The following CFAP58 variants were observed in gnomAD, a reference collection of about 807,000 sequenced individuals.
The protein encoded by CFAP58 is cilia and flagella associated protein 58.
In CFAP58, 88 loss-of-function variants were observed where a neutral mutation model predicts 119.5. The ratio of observed to expected loss-of-function variants is 0.74; its 90% CI spans 0.62 to 0.88. The LOEUF (loss-of-function observed/expected upper bound fraction) is 0.88, where lower values mean the gene tolerates loss of function less well. Among genes scored for constraint, CFAP58 ranks in the 40% least tolerant of loss-of-function variants. CFAP58 has a pLI of 0.00. For synonymous variants in CFAP58, 365 were observed against 366.3 expected (o/e 1.00, Z 0.04); for missense variants, 990 against 1,021.2 (o/e 0.97, Z 0.42).
chr10:104,430,343 A>T (rs1227213913), intron 15 of CFAP58, among the ~76,000 whole-genome samples: 1 of 152,184 alleles, frequency 6.6e-6, no homozygotes, highest in African/African-American at 2.4e-5. Flanking sequence ...CACTAAAATC[A>T]CACAGGCTGA....
In CFAP58 at chr10:104,357,855, A is replaced by ATACACATATATG. The variant is rs1564875614; in HGVS notation, c.10-475_10-474insGTACACATATAT. ...TATATGTACACATATGTACACATAT[A>ATACACATATATG]TACACATATATACACATATATGTAC... is the stretch of plus-strand genomic sequence containing the variant. On this transcript the variant is annotated intron_variant, in intron 1 of 17. Coordinates refer to ENST00000369704, the MANE Select transcript of CFAP58 (RefSeq NM_001008723.2). Among the ~76,000 whole-genome samples, 69 of 46,760 alleles carry ATACACATATATG rather than the reference A, an allele frequency of 1.5e-3. 2 individuals carry two copies. The highest frequency in any genetic ancestry group is 1.8e-3 in the Non-Finnish European group (37 of 20,748). The allele number at this position is 46,760 out of a possible 152,430, so 30.7% of individuals were successfully genotyped here. A position where few individuals can be genotyped will look rare whatever the true frequency, so the allele number is the denominator to read the frequency against.
intron 6 of CFAP58, among the ~76,000 whole-genome samples, chr10:104,369,150 G>A (rs978152100): frequency 4.6e-5 from 7 of 152,182 alleles, no homozygotes; most frequent in South Asian, 4.2e-4. Context: ...GCAGCTTTAC[G>A]TTTATCACTT....
intron 5 of CFAP58, 122 bp downstream of exon 5, chr10:104,366,130 A>G: frequency 2.2e-6 from 2 of 895,744 alleles, no homozygotes; most frequent in Non-Finnish European, 3.3e-6. Flanking sequence ...ACTCGTGCTG[A>G]TGATGTAAAA....
chr10:104,384,526 A>G (rs1477304463), intron 9 of CFAP58, among the ~76,000 whole-genome samples: 1 of 152,232 alleles, frequency 6.6e-6, no homozygotes, highest in African/African-American at 2.4e-5. Flanking sequence ...GGCTTCTAGA[A>G]GCCCCACGGT....
At chr10:104,439,912 C>T (rs985246001) in intron 15 of CFAP58, among the ~76,000 whole-genome samples, 14 of 152,176 alleles carry the variant, frequency 9.2e-5, no homozygotes, top group African/African-American at 2.9e-4. Flanking sequence ...CTCCGCCTTC[C>T]GGGTTCACGC....
chr10:104,420,184 G>A (rs1296076565), intron 15 of CFAP58, among the ~76,000 whole-genome samples: 2 of 150,484 alleles, frequency 1.3e-5, no homozygotes, highest in Non-Finnish European at 2.9e-5. Flanking sequence ...GTTTCTCAAC[G>A]TGTGTCCTTT....
intron 15 of CFAP58, among the ~76,000 whole-genome samples, chr10:104,440,308 GA>G (rs202058572): frequency 4.7e-5 from 7 of 150,306 alleles, no homozygotes; most frequent in African/African-American, 9.9e-5. Context: ...CCAAGAATAG[GA>G]AAAAAAAATT....
chr10:104,407,717 GA>G (rs764919494), intron 15 of CFAP58, among the ~76,000 whole-genome samples: 14 of 152,090 alleles, frequency 9.2e-5, no homozygotes, highest in Admixed American at 2.0e-4. Flanking sequence ...TTAATTTTTT[GA>G]GACAGTCTTG....
At chr10:104,362,810 C>G (rs2014689548) in intron 3 of CFAP58, among the ~76,000 whole-genome samples, 1 of 152,182 alleles carries the variant, frequency 6.6e-6, no homozygotes, top group African/African-American at 2.4e-5. Context: ...GCACCTATCC[C>G]CAGCATAAAC....
At chr10:104,344,453 TTA>T in the CFAP58 span, among the ~76,000 whole-genome samples, 3 of 152,230 alleles carry the variant, frequency 2.0e-5, no homozygotes, top group East Asian at 5.8e-4. Flanking sequence ...GGCCATTCAT[TTA>T]TGTGTGGTCT....
At chr10:104,450,886 A>G (rs2013185590) in intron 17 of CFAP58, among the ~76,000 whole-genome samples, 1 of 151,858 alleles carries the variant, frequency 6.6e-6, no homozygotes, top group South Asian at 2.1e-4. Context: ...ACCATCTTCT[A>G]TGTCTAGTGA....
At chr10:104,369,956 G>T (rs1330867) in intron 6 of CFAP58, among the ~76,000 whole-genome samples, 1 of 152,120 alleles carries the variant, frequency 6.6e-6, no homozygotes, top group Non-Finnish European at 1.5e-5. Flanking sequence ...TCTTTGCTAG[G>T]ATTATTTTTG....
At chr10:104,410,619 T>C (rs550179397) in intron 15 of CFAP58, among the ~76,000 whole-genome samples, 1 of 152,308 alleles carries the variant, frequency 6.6e-6, no homozygotes, top group East Asian at 1.9e-4. Context: ...CTGCTCCTTT[T>C]TAGGTGACCT....
chr10:104,377,691 C>T (rs758407148), intron 8 of CFAP58, among the ~76,000 whole-genome samples: 9 of 152,180 alleles, frequency 5.9e-5, no homozygotes, highest in Middle Eastern at 3.2e-3. Context: ...AAGGCAGAAA[C>T]GGTCTATATT....
the CFAP58 span, among the ~76,000 whole-genome samples, chr10:104,340,671 C>T: frequency 3.5e-4 from 53 of 152,226 alleles, no homozygotes; most frequent in African/African-American, 1.2e-3. Context: ...ATATCAACAA[C>T]GGAAGGGAAG....
intron 15 of CFAP58, among the ~76,000 whole-genome samples, 167 bp from the exon 16 acceptor site, chr10:104,447,531 A>C (rs954529555): frequency 1.3e-5 from 2 of 152,178 alleles, no homozygotes; most frequent in Non-Finnish European, 2.9e-5. Flanking sequence ...GCCCTTCATA[A>C]GGATTGTTTC....
intron 1 of CFAP58, among the ~76,000 whole-genome samples, chr10:104,355,963 T>C (rs1213858039): frequency 1.3e-5 from 2 of 152,220 alleles, no homozygotes; most frequent in Admixed American, 6.5e-5. Flanking sequence ...TTAATACCAT[T>C]TACAGGGATG....
At chr10:104,393,508 C>T in intron 11 of CFAP58, 33 bp downstream of exon 11, 1 of 1,585,176 alleles carries the variant, frequency 6.3e-7, no homozygotes, top group South Asian at 1.1e-5. Context: ...AAAGTACCAA[C>T]AGTTCATCAG....
intron 15 of CFAP58, among the ~76,000 whole-genome samples, chr10:104,420,385 AC>A (rs1181510505): frequency 6.6e-6 from 1 of 152,210 alleles, no homozygotes. Context: ...ACCGGTTTAT[AC>A]CTTAAACTGT....
Sources: allele counts gnomAD v4.1 joint callset (sites outside exome capture counted in the v4.1 genomes callset), GRCh38; gene constraint gnomAD v4.1.1; transcripts MANE v1.5; gene names NCBI Gene and HGNC (gene_info 2026-07-23, HGNC 2026-07-21).